The following CTNND2 variants were observed in gnomAD, a reference collection of about 807,000 sequenced individuals.
CTNND2 encodes the protein catenin delta-2.
A neutral mutation model predicts 144.4 loss-of-function variants in CTNND2; 22 were observed. That is an observed-to-expected ratio of 0.15 (90% CI 0.11 to 0.22). The LOEUF (loss-of-function observed/expected upper bound fraction) is 0.22, where lower values mean the gene tolerates loss of function less well. Among genes scored for constraint, CTNND2 ranks in the 10% least tolerant of loss-of-function variants. The pLI, the probability that CTNND2 is intolerant of heterozygous loss-of-function variation, is 1.00. For synonymous variants in CTNND2, 751 were observed against 695.6 expected, an observed-to-expected ratio of 1.08 and a Z score of -1.25; for missense variants, 1,353 against 1,618.8, an observed-to-expected ratio of 0.84 and a Z score of 2.82.
Position 11,770,420 on chromosome 5 carries a change from G to A in CTNND2, c.38-38148C>T, listed in dbSNP as rs6879752. Among the ~76,000 whole-genome samples the A allele has an allele frequency of 0.05, 216 of 4,330 alleles. 43 individuals are homozygous for A. The South Asian group carries it at 0.93, about 19-fold the overall frequency. 2.8% of individuals were successfully genotyped at this position (4,330 alleles called of 152,430 possible). A position where few individuals can be genotyped will look rare whatever the true frequency, so the allele number is the denominator to read the frequency against. Reference sequence around the variant, plus strand: ...TTAAAACAGAAAAAAAGGAAAGAAGGAAGGAAGGAAGGAAGGAAGGAAGGA... The same window carrying A: ...TTAAAACAGAAAAAAAGGAAAGAAGAAAGGAAGGAAGGAAGGAAGGAAGGA... On this transcript the variant is annotated intron_variant, in intron 1 of 21. Transcript: ENST00000304623.
chr5:11,203,867 T>C (rs1363350485), intron 10 of CTNND2, among the ~76,000 whole-genome samples: 1 of 152,234 alleles, frequency 6.6e-6, no homozygotes, highest in Non-Finnish European at 1.5e-5. Context: ...ATAGCTTCAT[T>C]TGAATCTAGA....
At chr5:11,698,986 A>G (rs116089896) in intron 2 of CTNND2, among the ~76,000 whole-genome samples, 3,171 of 150,212 alleles carry the variant, frequency 0.021, 111 homozygotes, top group African/African-American at 0.073. Flanking sequence ...TAAAACATTA[A>G]AATATTACAA....
At chr5:10,975,429 A>G (rs1348183346) in intron 21 of CTNND2, among the ~76,000 whole-genome samples, 2 of 152,164 alleles carry the variant, frequency 1.3e-5, no homozygotes, top group Non-Finnish European at 2.9e-5. Context: ...TCTATAATCT[A>G]TCATCTGTCT....
chr5:11,387,419 G>A (rs61749837), intron 6 of CTNND2, among the ~76,000 whole-genome samples: 1,539 of 152,098 alleles, frequency 0.01, 20 homozygotes, highest in African/African-American at 0.033. Context: ...TGGAGGGTGC[G>A]GAGTGGGCCC....
At chr5:11,554,567 A>G (rs1776052368) in intron 3 of CTNND2, among the ~76,000 whole-genome samples, 1 of 152,190 alleles carries the variant, frequency 6.6e-6, no homozygotes, top group African/African-American at 2.4e-5. Context: ...TTAAAGGGTT[A>G]ACGAGGATGA....
At chr5:11,798,283 G>C (rs558375385) in intron 1 of CTNND2, among the ~76,000 whole-genome samples, 52 of 149,850 alleles carry the variant, frequency 3.5e-4, no homozygotes, top group Admixed American at 8.6e-4. Flanking sequence ...AAAAAGGTTT[G>C]TGTGTCTTCA....
chr5:11,737,586 GTGCAAGTCACCCTGCTCTATGCCCACACA>G (rs1324240232), intron 1 of CTNND2, among the ~76,000 whole-genome samples: 4 of 152,130 alleles, frequency 2.6e-5, no homozygotes, highest in Non-Finnish European at 5.9e-5. Context: ...CAGTTTCAGG[GTGCAAGTCACCCTGCTCTATGCCCACACA>G]TGCATGAGCA....
chr5:10,996,039 G>C lies in CTNND2; in HGVS notation c.3085-3362C>G, dbSNP rs181525538. On this transcript the variant is annotated intron_variant, in intron 18 of 21. Coordinates refer to ENST00000304623, the MANE Select transcript of CTNND2 (RefSeq NM_001332.4). ...GTGGTCCTTGAGTTGGGTGGGGAGC[G>C]AGCTGACTGGCCAGGGCAAGTGGCC... Among the ~76,000 whole-genome samples, 65 of 152,278 alleles carry C rather than the reference G, an allele frequency of 4.3e-4. No individual in the cohort carries two copies. In the East Asian group the frequency reaches 0.012, roughly 28 times the overall value.
chr5:11,874,563 C>T (rs1229965032), intron 1 of CTNND2, among the ~76,000 whole-genome samples: 1 of 152,166 alleles, frequency 6.6e-6, no homozygotes, highest in East Asian at 1.9e-4. Context: ...ATCACCAAGA[C>T]AGTTCATAAG....
rs571903816 is a variant in CTNND2 at position 11,236,648 on chromosome 5, A to G, written c.1761+43T>C. On this transcript the variant is annotated intron_variant, in intron 10 of 21. Transcript: ENST00000304623. ...CAACATTAAGAAGATCTAAGTGCTT[A>G]TGAATCTGACACCAATCATTTCAGA... The G allele has an allele frequency of 2.5e-6, 4 of 1,605,016 alleles. No homozygotes were observed. In the African/African-American group the frequency reaches 4.0e-5, roughly 16 times the overall value.
chr5:11,293,622 G>T (rs2150019557), intron 9 of CTNND2, among the ~76,000 whole-genome samples: 1 of 151,774 alleles, frequency 6.6e-6, no homozygotes, highest in East Asian at 2.0e-4. Flanking sequence ...TTCGTTCACA[G>T]TTTATATTTA....
At chr5:11,390,510 C>T (rs1051308911) in intron 6 of CTNND2, among the ~76,000 whole-genome samples, 4 of 152,232 alleles carry the variant, frequency 2.6e-5, no homozygotes, top group Admixed American at 6.5e-5. Flanking sequence ...AGCCTGTAAT[C>T]TCTAAGGAAT....
At chr5:11,295,387 C>A (rs1380519892) in intron 9 of CTNND2, among the ~76,000 whole-genome samples, 1 of 152,014 alleles carries the variant, frequency 6.6e-6, no homozygotes, top group Non-Finnish European at 1.5e-5. Flanking sequence ...GAATCAATAT[C>A]GTGAAAATGG....
At chr5:11,046,339 C>T (rs557883303) in intron 16 of CTNND2, among the ~76,000 whole-genome samples, 13 of 152,306 alleles carry the variant, frequency 8.5e-5, no homozygotes, top group Admixed American at 2.0e-4. Flanking sequence ...AGCCAAGGAA[C>T]GCCATCTATT....
At chr5:11,422,470 C>T (rs569371163) in intron 3 of CTNND2, among the ~76,000 whole-genome samples, 16 of 152,258 alleles carry the variant, frequency 1.1e-4, no homozygotes, top group Admixed American at 2.0e-4. Context: ...TATTCTTAAG[C>T]TAATTTTGTT....
intron 17 of CTNND2, among the ~76,000 whole-genome samples, chr5:11,018,707 C>CTTTT (rs35528177): frequency 5.4e-5 from 7 of 129,598 alleles, no homozygotes; most frequent in Admixed American, 7.9e-5. Flanking sequence ...GGCCCTGACT[C>CTTTT]TTTTTTTTTT....
intron 16 of CTNND2, among the ~76,000 whole-genome samples, chr5:11,052,387 C>T (rs1424267308): frequency 6.6e-6 from 1 of 152,178 alleles, no homozygotes; most frequent in Non-Finnish European, 1.5e-5. Flanking sequence ...TTATTACCAT[C>T]ACTTAATTAC....
At chr5:11,445,601 A>G (rs918802569) in intron 3 of CTNND2, among the ~76,000 whole-genome samples, 1 of 152,112 alleles carries the variant, frequency 6.6e-6, no homozygotes, top group African/African-American at 2.4e-5. Flanking sequence ...TGGGATTTCC[A>G]CCTTGGAAAT....
chr5:11,440,199 T>C (rs1159591120), intron 3 of CTNND2, among the ~76,000 whole-genome samples: 2 of 152,234 alleles, frequency 1.3e-5, no homozygotes, highest in Non-Finnish European at 2.9e-5. Flanking sequence ...CATCTCCACC[T>C]ATTCTCTCAT....
Sources: gnomAD v4.1 joint callset for allele counts (sites outside exome capture counted in the v4.1 genomes callset) on GRCh38, gnomAD v4.1.1 for gene constraint, MANE v1.5 for transcripts, NCBI Gene and HGNC (gene_info 2026-07-23, HGNC 2026-07-21) for gene names.